SGIP1: variants seen among roughly 807,000 people sequenced by gnomAD.
The protein encoded by SGIP1 is SH3GL interacting endocytic adaptor 1, also known as SH3-containing GRB2-like protein 3-interacting protein 1.
Under a neutral mutation model 107.5 loss-of-function variants are expected in SGIP1, and 38 were observed. That is an observed-to-expected ratio of 0.35 (90% confidence interval 0.27 to 0.46). The LOEUF (loss-of-function observed/expected upper bound fraction) is 0.46, where lower values mean the gene tolerates loss of function less well. Among genes scored for constraint, SGIP1 ranks in the 20% least tolerant of loss-of-function variants. SGIP1 has a pLI of 1.00. For synonymous variants in SGIP1, 365 were observed against 366.1 expected (o/e 1.00, Z 0.03); for missense variants, 929 against 1,019.5 (o/e 0.91, Z 1.21).
Position 66,745,028 on chromosome 1 carries a change from C to T in SGIP1, c.*1933C>T, listed in dbSNP as rs1340270285. ...ATATAACAATGTGTTTTTAAGTAAT[C>T]AATTCATTTAAAAAATTGAATATTA... On this transcript the variant is annotated 3_prime_UTR_variant, in exon 25 of 25. Transcript: ENST00000371037. The T allele has an allele frequency of 6.6e-6, 1 of 152,200 alleles. No homozygotes were observed. Among genetic ancestry groups the T allele is most frequent in the African/African-American group, 2.4e-5 (1 of 41,362 alleles). The allele number at this position is 152,200 out of a possible 1,614,324, so 9.4% of individuals were successfully genotyped here.
rs117397414 is a variant in SGIP1 at position 66,600,631 on chromosome 1, G to A, written c.11-25216G>A. 2.7e-4 allele frequency among the ~76,000 whole-genome samples: 41 copies of A among 152,296 alleles called. No individual in the cohort carries two copies. The East Asian group carries it at 7.7e-3, about 29-fold the overall frequency. ...CAGAAACGAGAGGCTGAAACAGTGC[G>A]CGATTAGAAAGGATGCAAGTGGTTG... On this transcript the variant is annotated intron_variant, in intron 1 of 24. Coordinates refer to ENST00000371037, the MANE Select transcript of SGIP1 (RefSeq NM_032291.4).
chr1:66,723,271 C>T (rs1177054481), intron 19 of SGIP1, among the ~76,000 whole-genome samples: 1 of 152,164 alleles, frequency 6.6e-6, no homozygotes, highest in Non-Finnish European at 1.5e-5. Flanking sequence ...GCATCAAAGC[C>T]ATTTGTTCTC....
intron 7 of SGIP1, among the ~76,000 whole-genome samples, chr1:66,645,569 C>T (rs1422045020): frequency 6.6e-6 from 1 of 152,120 alleles, no homozygotes; most frequent in Non-Finnish European, 1.5e-5. Flanking sequence ...CCAAGGGACC[C>T]TCAGCTCCCA....
chr1:66,546,703 C>T (rs1016036559), intron 1 of SGIP1, among the ~76,000 whole-genome samples: 3 of 152,104 alleles, frequency 2.0e-5, no homozygotes, highest in African/African-American at 7.2e-5. Flanking sequence ...TGGCATTGCC[C>T]CAGGCAGTTG....
rs1570915348 is a variant in SGIP1, at chr1:66,534,236, G to T, written c.-123G>T. On this transcript the variant is annotated 5_prime_UTR_variant, in exon 1 of 25. Transcript: ENST00000371037. ...TTTGGCTTAACACTTATCTCCTTTG[G>T]CTTTGACAGCGGACGGAATAGACCT... 1 of 1,024,980 alleles carries T rather than the reference G, an allele frequency of 9.8e-7. No individual in the cohort carries two copies. Among genetic ancestry groups the T allele is most frequent in the East Asian group, 2.4e-5 (1 of 42,164 alleles). The allele number at this position is 1,024,980 out of a possible 1,614,324, so 63.5% of individuals were successfully genotyped here. A position where few individuals can be genotyped will look rare whatever the true frequency, so the allele number is the denominator to read the frequency against.
chr1:66,672,839 A>G (rs991811909), intron 11 of SGIP1, among the ~76,000 whole-genome samples: 14 of 152,202 alleles, frequency 9.2e-5, no homozygotes, highest in African/African-American at 3.1e-4. Context: ...TAATATTGCT[A>G]TGCTTGACTT....
intron 14 of SGIP1, among the ~76,000 whole-genome samples, chr1:66,680,601 G>T (rs758274009): frequency 8.5e-5 from 13 of 152,310 alleles, no homozygotes; most frequent in Non-Finnish European, 1.8e-4. Context: ...CCAATAGAGA[G>T]TCATCCAGAG....
intron 1 of SGIP1, among the ~76,000 whole-genome samples, chr1:66,596,422 T>A (rs1437108115): frequency 1.3e-5 from 2 of 152,038 alleles, no homozygotes; most frequent in Non-Finnish European, 2.9e-5. Context: ...GTGTGCTGAT[T>A]GGTTTGTGAG....
intron 1 of SGIP1, 54 bp from the exon 2 acceptor site, chr1:66,625,793 T>C: frequency 2.0e-6 from 3 of 1,501,598 alleles, no homozygotes; most frequent in Non-Finnish European, 2.8e-6. Flanking sequence ...CTTCAAAATA[T>C]GTTCACTTGA....
chr1:66,578,362 G>T (rs1385052361), intron 1 of SGIP1, among the ~76,000 whole-genome samples: 1 of 152,146 alleles, frequency 6.6e-6, no homozygotes, highest in Non-Finnish European at 1.5e-5. Context: ...TTCATTAGGA[G>T]TTTATAAGCT....
chr1:66,671,657 G>A lies in SGIP1; in HGVS notation c.509-287G>A, dbSNP rs544220347. On this transcript the variant is annotated intron_variant, in intron 10 of 24. Coordinates refer to ENST00000371037, the MANE Select transcript of SGIP1 (RefSeq NM_032291.4). ...TCAAGGCAGCAGACATTCCAAGAATGGTGTGCTCTTTCACTAAGTGCTGCA... is the reference window on the plus strand; with the variant it reads ...TCAAGGCAGCAGACATTCCAAGAATAGTGTGCTCTTTCACTAAGTGCTGCA... Among the ~76,000 whole-genome samples, 72 of 152,232 alleles carry A rather than the reference G, an allele frequency of 4.7e-4. 1 individual carries two copies. In the South Asian group the frequency reaches 0.015, roughly 32 times the overall value.
At chr1:66,730,958 C>A (rs1336409498) in intron 20 of SGIP1, among the ~76,000 whole-genome samples, 2 of 152,286 alleles carry the variant, frequency 1.3e-5, no homozygotes, top group South Asian at 4.1e-4. Context: ...CATACCCCCA[C>A]CAACCAGCCC....
intron 23 of SGIP1, 67 bp from the exon 24 acceptor site, chr1:66,741,205 C>A: frequency 1.4e-6 from 2 of 1,445,494 alleles, no homozygotes; most frequent in South Asian, 1.6e-5. Context: ...CTTTTGAATG[C>A]AACCTCCAAA....
rs190813434 is a variant in SGIP1 at position 66,648,986 on chromosome 1, G to T, written c.459+5267G>T. ...AATAACAGTACATGATGTGTAATTGGTACTCTGCAATTGTTCATTTCTTCA... is the reference window on the plus strand; with the variant it reads ...AATAACAGTACATGATGTGTAATTGTTACTCTGCAATTGTTCATTTCTTCA... On this transcript the variant is annotated intron_variant, in intron 7 of 24. Transcript: ENST00000371037. 1.3e-3 allele frequency among the ~76,000 whole-genome samples: 203 copies of T among 152,190 alleles called. 1 individual carries two copies. Among genetic ancestry groups the T allele is most frequent in the African/African-American group, 4.8e-3 (200 of 41,530 alleles).
intron 20 of SGIP1, 49 bp from the exon 21 acceptor site, chr1:66,733,699 A>G (rs1301812976): frequency 6.3e-7 from 1 of 1,592,080 alleles, no homozygotes. Context: ...TGTAGGGTTT[A>G]TATTTGTTTT....
intron 1 of SGIP1, among the ~76,000 whole-genome samples, chr1:66,565,857 C>T (rs1188160818): frequency 1.3e-5 from 2 of 151,872 alleles, no homozygotes; most frequent in Admixed American, 1.3e-4. Context: ...TGTAGGTTTT[C>T]AAGAAAAACA....
At chr1:66,579,092 A>G (rs2061469816) in intron 1 of SGIP1, among the ~76,000 whole-genome samples, 1 of 152,160 alleles carries the variant, frequency 6.6e-6, no homozygotes. Flanking sequence ...TTTCACTTCT[A>G]TTTATTTTGG....
intron 1 of SGIP1, among the ~76,000 whole-genome samples, chr1:66,582,510 C>T (rs1486038082): frequency 6.6e-6 from 1 of 151,498 alleles, no homozygotes. Context: ...GGAAAATACA[C>T]TTCAGTGGCT....
At chr1:66,617,712 G>A (rs754202824) in intron 1 of SGIP1, among the ~76,000 whole-genome samples, 7 of 152,008 alleles carry the variant, frequency 4.6e-5, no homozygotes, top group Admixed American at 6.6e-5. Context: ...AATCCATTTA[G>A]CAAATATTTA....
Sources: allele counts gnomAD v4.1 joint callset (sites outside exome capture counted in the v4.1 genomes callset), GRCh38; gene constraint gnomAD v4.1.1; transcripts MANE v1.5; gene names NCBI Gene and HGNC (gene_info 2026-07-23, HGNC 2026-07-21).